The following RASAL2 variants were observed in gnomAD, a reference collection of about 807,000 sequenced individuals.
RASAL2 encodes the protein RAS protein activator like 2.
Under a neutral mutation model 128.9 loss-of-function variants are expected in RASAL2, and 58 were observed. The ratio of observed to expected loss-of-function variants is 0.45; its 90% CI spans 0.36 to 0.56. The LOEUF is 0.56. Among genes scored for constraint, RASAL2 ranks in the 20% least tolerant of loss-of-function variants. The pLI is 0.00. For synonymous variants in RASAL2, 561 were observed against 580.8 expected (o/e 0.97, Z 0.49); for missense variants, 1,360 against 1,601.6 (o/e 0.85, Z 2.57).
At chr1:178,321,931 T>G (rs1160741557) in intron 3 of RASAL2, among the ~76,000 whole-genome samples, 1 of 150,954 alleles carries the variant, frequency 6.6e-6, no homozygotes, top group East Asian at 1.9e-4. Flanking sequence ...GAGGTTTTGG[T>G]GAGCCGAGAT....
At chr1:178,351,059 T>C (rs1490174922) in intron 3 of RASAL2, among the ~76,000 whole-genome samples, 2 of 151,900 alleles carry the variant, frequency 1.3e-5, no homozygotes, top group Non-Finnish European at 2.9e-5. Context: ...GTGGGGGAGA[T>C]GCTACACACT....
chr1:178,281,944 A>C (rs1168560123), intron 1 of RASAL2, among the ~76,000 whole-genome samples: 2 of 152,134 alleles, frequency 1.3e-5, no homozygotes. Flanking sequence ...TTTTGTGATA[A>C]TTTTGAGATT....
chr1:178,147,370 G>T (rs1238124708), intron 1 of RASAL2, among the ~76,000 whole-genome samples: 3 of 151,298 alleles, frequency 2.0e-5, no homozygotes, highest in Non-Finnish European at 4.4e-5. Context: ...TGTGCCTGTA[G>T]TCCCAGCTAC....
intron 1 of RASAL2, among the ~76,000 whole-genome samples, chr1:178,178,874 A>G (rs1014171677): frequency 3.9e-5 from 6 of 152,170 alleles, no homozygotes; most frequent in African/African-American, 7.2e-5. Flanking sequence ...CTAAAGTTCA[A>G]TTGCTTTATT....
At position 178,458,411 on chromosome 1, in the gene RASAL2, G is replaced by A. The variant is rs1483745195; in HGVS notation, c.3119G>A (p.Ser1040Asn). 1.2e-6 allele frequency: 2 copies of A among 1,614,226 alleles called. No individual in the cohort carries two copies. The highest frequency in any genetic ancestry group is 2.2e-5 in the East Asian group (1 of 44,872). Residue 1040 changes from serine to asparagine, a missense_variant, in exon 14 of 18, where the codon AGC (serine) becomes AAC (asparagine). Ser to Asn is a conservative substitution (Grantham distance 46). Around this residue, in one of 3 missense-constraint regions of RASAL2, gnomAD observed 741 missense variants for 868.6 expected, o/e 0.85. Transcript: ENST00000367649. ...AGTGCTTCTTTACGTAGCACCGGGA[G>A]CATGTCAGTGGTGTCCGCAGCCCTG... The part of the protein sequence containing the change: ...PHSASLRSTG[S>N]MSVVSAALVA...
chr1:178,097,931 C>T (rs1337319186), intron 1 of RASAL2, among the ~76,000 whole-genome samples: 1 of 152,064 alleles, frequency 6.6e-6, no homozygotes, highest in Admixed American at 6.5e-5. Flanking sequence ...GAAAACTTTT[C>T]TGGAATATGT....
At chr1:178,447,159 G>A (rs1677058589) in intron 9 of RASAL2, among the ~76,000 whole-genome samples, 1 of 152,032 alleles carries the variant, frequency 6.6e-6, no homozygotes. Context: ...TTAGCAGACT[G>A]ATTAAGACGA....
chr1:178,128,265 A>G (rs1237496870), intron 1 of RASAL2, among the ~76,000 whole-genome samples: 2 of 152,124 alleles, frequency 1.3e-5, no homozygotes, highest in Non-Finnish European at 2.9e-5. Context: ...GTGCCTATCA[A>G]TTTTTATTAT....
chr1:178,380,426 T>TA (rs1366289727), intron 3 of RASAL2, among the ~76,000 whole-genome samples: 1 of 152,134 alleles, frequency 6.6e-6, no homozygotes, highest in Non-Finnish European at 1.5e-5. Flanking sequence ...ATGTGTGAGT[T>TA]AGAGGTAACT....
At chr1:178,431,628 G>T (rs1055426868) in intron 5 of RASAL2, among the ~76,000 whole-genome samples, 21 of 151,916 alleles carry the variant, frequency 1.4e-4, no homozygotes, top group African/African-American at 5.1e-4. Context: ...TATGTAGTAA[G>T]ATATTCTGAA....
At chr1:178,181,771 T>C (rs1457494694) in intron 1 of RASAL2, among the ~76,000 whole-genome samples, 2 of 151,634 alleles carry the variant, frequency 1.3e-5, no homozygotes, top group Non-Finnish European at 2.9e-5. Context: ...TCAACTGGGA[T>C]TTGCAGTTTT....
intron 1 of RASAL2, among the ~76,000 whole-genome samples, chr1:178,187,596 T>G (rs1426553901): frequency 6.6e-6 from 1 of 152,110 alleles, no homozygotes; most frequent in Non-Finnish European, 1.5e-5. Flanking sequence ...TCACAAAAGG[T>G]GAACCACAAC....
At chr1:178,185,277 A>G (rs2101937012) in intron 1 of RASAL2, among the ~76,000 whole-genome samples, 1 of 151,570 alleles carries the variant, frequency 6.6e-6, no homozygotes, top group South Asian at 2.1e-4. Context: ...ACAGACAGTC[A>G]TGTCATTTGC....
chr1:178,352,371 A>C (rs1244784320), intron 3 of RASAL2, among the ~76,000 whole-genome samples: 1 of 152,238 alleles, frequency 6.6e-6, no homozygotes, highest in Non-Finnish European at 1.5e-5. Context: ...GAGAAGAATT[A>C]AATCTTAAGG....
At chr1:178,113,502 A>G (rs901221782) in intron 1 of RASAL2, among the ~76,000 whole-genome samples, 8 of 130,350 alleles carry the variant, frequency 6.1e-5, no homozygotes, top group African/African-American at 2.1e-4. Flanking sequence ...GTGGGCATGC[A>G]TGCCTGCGAG....
Position 178,408,427 on chromosome 1 carries a change from A to C in RASAL2, c.565-12084A>C, listed in dbSNP as rs952935361. ...TTAAATTTTATATTTGGATTTTTTT[A>C]TTTTATACTCAGTGACCACAGAATC... On this transcript the variant is annotated intron_variant, in intron 4 of 17. Transcript: ENST00000367649. Among the ~76,000 whole-genome samples the C allele has an allele frequency of 1.2e-4, 18 of 152,134 alleles. 1 individual carries two copies. The highest frequency in any genetic ancestry group is 4.3e-4 in the African/African-American group (18 of 41,500).
At chr1:178,118,413 G>A (rs1177154526) in intron 1 of RASAL2, among the ~76,000 whole-genome samples, 6 of 152,088 alleles carry the variant, frequency 3.9e-5, no homozygotes, top group African/African-American at 7.2e-5. Flanking sequence ...CCCTGAGCTC[G>A]TTGTCGTGCA....
At chr1:178,140,875 A>G (rs1209894035) in intron 1 of RASAL2, among the ~76,000 whole-genome samples, 1 of 152,226 alleles carries the variant, frequency 6.6e-6, no homozygotes, top group Non-Finnish European at 1.5e-5. Flanking sequence ...CTGTTAATTT[A>G]TAAAGAAAAG....
At chr1:178,443,346 A>G in intron 8 of RASAL2, 117 bp downstream of exon 8, 1 of 886,460 alleles carries the variant, frequency 1.1e-6, no homozygotes, top group South Asian at 2.3e-5. Flanking sequence ...TGGTCAAAAC[A>G]AGAAGAATTA....
Sources: gnomAD v4.1 joint callset for allele counts (sites outside exome capture counted in the v4.1 genomes callset) on GRCh38, gnomAD v4.1.1 for gene constraint, gnomAD v4.1.1 regional missense constraint, MANE v1.5 for transcripts, NCBI Gene and HGNC (gene_info 2026-07-23, HGNC 2026-07-21) for gene names.